Variants in GRID2 observed in about 807,000 individuals in gnomAD.
GRID2 encodes glutamate receptor ionotropic, delta-2.
In GRID2, 33 loss-of-function variants were observed where a neutral mutation model predicts 114.8. That is an observed-to-expected ratio of 0.29 (90% confidence interval 0.22 to 0.38). The LOEUF (loss-of-function observed/expected upper bound fraction) is 0.38, where lower values mean the gene tolerates loss of function less well. GRID2 is among the 10% of genes least tolerant of loss of function. GRID2 has a pLI of 1.00. For synonymous variants in GRID2, 505 were observed against 449.9 expected (o/e 1.12, Z -1.55); for missense variants, 1,184 against 1,257.7 (o/e 0.94, Z 0.89).
chr4:92,310,605 T>TA (rs576040154), intron 1 of GRID2, among the ~76,000 whole-genome samples: 9 of 151,724 alleles, frequency 5.9e-5, no homozygotes, highest in Non-Finnish European at 1.2e-4. Flanking sequence ...TAAGGTATAA[T>TA]AAAAAAAAGT....
chr4:93,047,539 G>C (rs1302881268), intron 2 of GRID2, among the ~76,000 whole-genome samples: 2 of 151,222 alleles, frequency 1.3e-5, no homozygotes, highest in Admixed American at 6.6e-5. Flanking sequence ...TTTTTTTACT[G>C]TATTCTTACA....
intron 14 of GRID2, among the ~76,000 whole-genome samples, chr4:93,717,308 G>T (rs1728982510): frequency 6.6e-6 from 1 of 151,862 alleles, no homozygotes; most frequent in Admixed American, 6.6e-5. Context: ...TTTTAAAGTT[G>T]GTTTTTTATT....
intron 2 of GRID2, among the ~76,000 whole-genome samples, chr4:92,969,931 A>T: frequency 6.6e-6 from 1 of 151,946 alleles, no homozygotes; most frequent in Non-Finnish European, 1.5e-5. Flanking sequence ...AAATAGTTTT[A>T]AAAATTTCTT....
At chr4:92,580,715 G>A (rs1728140442) in intron 1 of GRID2, among the ~76,000 whole-genome samples, 1 of 150,216 alleles carries the variant, frequency 6.7e-6, no homozygotes, top group Non-Finnish European at 1.5e-5. Context: ...TTTACTTATA[G>A]TAGTATAGGC....
chr4:92,577,732 T>A (rs559731681), intron 1 of GRID2, among the ~76,000 whole-genome samples: 1 of 152,154 alleles, frequency 6.6e-6, no homozygotes, highest in Non-Finnish European at 1.5e-5. Context: ...AGGATTCTTC[T>A]ATAAAGGAGT....
At chr4:93,679,457 C>G (rs1725280819) in intron 14 of GRID2, among the ~76,000 whole-genome samples, 2 of 150,942 alleles carry the variant, frequency 1.3e-5, no homozygotes, top group South Asian at 4.2e-4. Flanking sequence ...CTCTCCACCC[C>G]AAATCAACAG....
chr4:93,107,880 C>G (rs1442849339), intron 3 of GRID2, among the ~76,000 whole-genome samples: 1 of 152,124 alleles, frequency 6.6e-6, no homozygotes, highest in Non-Finnish European at 1.5e-5. Flanking sequence ...CCACTTAAGG[C>G]AGATCCTCTA....
At chr4:92,504,913 T>C (rs1314274137) in intron 1 of GRID2, among the ~76,000 whole-genome samples, 1 of 152,060 alleles carries the variant, frequency 6.6e-6, no homozygotes, top group Non-Finnish European at 1.5e-5. Context: ...TAAATATTTA[T>C]ACTAGAAAAT....
At chr4:92,879,047 A>G (rs906959863) in intron 2 of GRID2, among the ~76,000 whole-genome samples, 1 of 152,162 alleles carries the variant, frequency 6.6e-6, no homozygotes, top group Non-Finnish European at 1.5e-5. Flanking sequence ...GCTTTATCTT[A>G]TTTTGACATC....
chr4:92,642,265 G>C (rs1288428159), intron 2 of GRID2, among the ~76,000 whole-genome samples: 1 of 151,760 alleles, frequency 6.6e-6, no homozygotes, highest in Non-Finnish European at 1.5e-5. Context: ...CCCACCAAAA[G>C]TATGTAAGCA....
intron 2 of GRID2, among the ~76,000 whole-genome samples, chr4:92,785,431 T>C (rs1305271505): frequency 1.3e-5 from 2 of 151,436 alleles, no homozygotes; most frequent in Non-Finnish European, 3.0e-5. Flanking sequence ...AACTGCAACT[T>C]AGTTTTTTCC....
chr4:93,702,100 G>A (rs1431974165), intron 14 of GRID2, among the ~76,000 whole-genome samples: 1 of 151,898 alleles, frequency 6.6e-6, no homozygotes, highest in African/African-American at 2.4e-5. Flanking sequence ...TTATGAAATC[G>A]ACTCTTGTGT....
Position 93,397,176 on chromosome 4 carries a change from A to G in GRID2, c.1347+1468A>G, listed in dbSNP as rs141016190. ...TTGTGCATATTTTCTATGAAAGGAC[A>G]TTCAAGTGAGTGACCTATTCTTCTT... is the stretch of plus-strand genomic sequence containing the variant. On this transcript the variant is annotated intron_variant, in intron 9 of 15. Coordinates refer to ENST00000282020, the MANE Select transcript of GRID2 (RefSeq NM_001510.4). 5.2e-3 allele frequency among the ~76,000 whole-genome samples: 784 copies of G among 152,132 alleles called. 6 individuals carry two copies. Among genetic ancestry groups the G allele is most frequent in the African/African-American group, 0.018 (747 of 41,564 alleles).
intron 2 of GRID2, among the ~76,000 whole-genome samples, chr4:92,867,893 C>A (rs749661646): frequency 3.9e-5 from 6 of 152,162 alleles, no homozygotes; most frequent in Admixed American, 2.0e-4. Flanking sequence ...CAAACTGCAA[C>A]TCACAGGGTA....
chr4:93,371,744 T>G (rs1762938731), intron 8 of GRID2, among the ~76,000 whole-genome samples: 1 of 136,102 alleles, frequency 7.3e-6, no homozygotes, highest in Non-Finnish European at 1.6e-5. Flanking sequence ...ACTATTTCTT[T>G]TTTTTTTTTT....
At chr4:93,701,899 G>T (rs1048927880) in intron 14 of GRID2, among the ~76,000 whole-genome samples, 11 of 151,774 alleles carry the variant, frequency 7.2e-5, no homozygotes, top group Admixed American at 6.6e-5. Flanking sequence ...ATGTACAAAA[G>T]CAACCTACAT....
At chr4:92,352,082 G>C (rs1728094324) in intron 1 of GRID2, among the ~76,000 whole-genome samples, 2 of 151,786 alleles carry the variant, frequency 1.3e-5, no homozygotes, top group South Asian at 4.1e-4. Context: ...CCTCCACACT[G>C]TTTTCCACAC....
intron 2 of GRID2, among the ~76,000 whole-genome samples, chr4:92,896,187 A>G (rs745649713): frequency 6.6e-6 from 1 of 152,186 alleles, no homozygotes; most frequent in East Asian, 1.9e-4. Context: ...TGCAAAACAA[A>G]TATGTTCTGA....
chr4:92,473,964 TTGTGTGTGTGTGTGTGTG>T (rs59328379), intron 1 of GRID2, among the ~76,000 whole-genome samples: 9 of 144,438 alleles, frequency 6.2e-5, no homozygotes, highest in East Asian at 2.0e-4. Flanking sequence ...GTTATCTTGG[TTGTGTGTGTGTGTGTGTG>T]TGTGTGTGTG....
Sources: allele counts gnomAD v4.1 joint callset (sites outside exome capture counted in the v4.1 genomes callset), GRCh38; gene constraint gnomAD v4.1.1; transcripts MANE v1.5; gene names NCBI Gene and HGNC (gene_info 2026-07-23, HGNC 2026-07-21).